The following MRC2 variants were observed in gnomAD, a reference collection of about 807,000 sequenced individuals.
MRC2 encodes the protein C-type mannose receptor 2.
In MRC2, 84 loss-of-function variants were observed where a neutral mutation model predicts 206.2. That is an observed-to-expected ratio of 0.41 (90% CI 0.34 to 0.49). The LOEUF (loss-of-function observed/expected upper bound fraction) is 0.49, where lower values mean the gene tolerates loss of function less well. Among genes scored for constraint, MRC2 ranks in the 20% least tolerant of loss-of-function variants. The pLI is 0.31. For missense variants in MRC2, 1,676 were observed against 2,001.5 expected, an observed-to-expected ratio of 0.84 and a Z score of 3.10; for synonymous variants, 798 against 800.0, an observed-to-expected ratio of 1.00 and a Z score of 0.04.
At chr17:62,632,024 A>T (rs990560488) in intron 1 of MRC2, among the ~76,000 whole-genome samples, 1 of 151,812 alleles carries the variant, frequency 6.6e-6, no homozygotes, top group African/African-American at 2.4e-5. Context: ...CCTACGTGAG[A>T]TGGGAGGGGG....
chr17:62,627,778 C>T lies in MRC2; in HGVS notation c.-25C>T, dbSNP rs764091131. On this transcript the variant is annotated 5_prime_UTR_variant, in exon 1 of 30. Transcript: ENST00000303375. ...TGCGCCTGTGCGCCCTCGGTCCCCG[C>T]GTCCACTGAGCGCCGCGCTCGGGGA... The T allele has an allele frequency of 2.9e-6, 4 of 1,397,528 alleles. No individual in the cohort carries two copies. The highest frequency in any genetic ancestry group is 3.7e-6 in the Non-Finnish European group (4 of 1,083,532). 86.6% of individuals were successfully genotyped at this position (1,397,528 alleles called of 1,614,324 possible). A position where few individuals can be genotyped will look rare whatever the true frequency, so the allele number is the denominator to read the frequency against.
chr17:62,675,695 T>G lies in MRC2; in HGVS notation c.1570-95T>G, dbSNP rs2088882617. On this transcript the variant is annotated intron_variant, in intron 9 of 29. Coordinates refer to ENST00000303375, the MANE Select transcript of MRC2 (RefSeq NM_006039.5). This position sits in a 1 kb window ranked among gnomAD's most constrained non-coding sequence, Gnocchi z 4.1. ...CCTCCGTCCTGAGCACGTTCAGTGA[T>G]GTCCCTGATGGCATCTCCCACCACA... 3.1e-6 allele frequency: 3 copies of G among 953,436 alleles called. No homozygotes were observed. In the Admixed American group the frequency reaches 5.2e-5, roughly 17 times the overall value. 59.1% of individuals were successfully genotyped at this position (953,436 alleles called of 1,614,324 possible).
intron 9 of MRC2, 67 bp downstream of exon 9, chr17:62,674,237 G>T (rs920845180): frequency 8.2e-7 from 1 of 1,215,010 alleles, no homozygotes; most frequent in Admixed American, 2.6e-5. Context: ...GGGAGGGAGA[G>T]GTGGATGAAC....
chr17:62,682,842 A>T (rs1432675321), intron 20 of MRC2, among the ~76,000 whole-genome samples: 3 of 151,880 alleles, frequency 2.0e-5, no homozygotes, highest in Non-Finnish European at 4.4e-5. Context: ...GGGTTTCACC[A>T]TGTTGGCCAG....
chr17:62,633,328 C>G (rs1346158562), intron 1 of MRC2, among the ~76,000 whole-genome samples: 1 of 151,540 alleles, frequency 6.6e-6, no homozygotes, highest in Admixed American at 6.6e-5. Context: ...CGGTGAAACC[C>G]CATCTCTACT....
At position 62,680,527 on chromosome 17, in the gene MRC2, G is replaced by A. The variant is rs2088951103; in HGVS notation, c.2473+74G>A. 1 of 1,579,688 alleles carries A rather than the reference G, an allele frequency of 6.3e-7. No homozygotes were observed. Among genetic ancestry groups the A allele is most frequent in the African/African-American group, 1.3e-5 (1 of 74,268 alleles). On this transcript the variant is annotated intron_variant, in intron 16 of 29. Transcript: ENST00000303375. This position sits in a 1 kb window ranked among gnomAD's most constrained non-coding sequence, Gnocchi z 4.8. ...TCAACTCTGGGGTAAGTCCCGAGAGGCCTGAATGAAATGGAGGGGATGAGG... is the reference window on the plus strand; with the variant it reads ...TCAACTCTGGGGTAAGTCCCGAGAGACCTGAATGAAATGGAGGGGATGAGG...
rs1205186412 is a variant in MRC2, at chr17:62,643,336, AAAAAAAAAAAAG to A, written c.118+15422_118+15433del. Among the ~76,000 whole-genome samples the A allele has an allele frequency of 6.1e-3, 817 of 133,828 alleles. 8 individuals are homozygous for A. Among genetic ancestry groups the A allele is most frequent in the African/African-American group, 0.02 (787 of 39,174 alleles). The allele number at this position is 133,828 out of a possible 152,430, so 87.8% of individuals were successfully genotyped here. ...AAGAGTGAAACTCCGTCAAAAAAAA[AAAAAAAAAAAAG>A]AAAAAGAAAAGAAAAAAGAAAATAC... On this transcript the variant is annotated intron_variant, in intron 1 of 29. Coordinates refer to ENST00000303375, the MANE Select transcript of MRC2 (RefSeq NM_006039.5).
intron 12 of MRC2, 132 bp downstream of exon 12, chr17:62,677,618 G>A (rs1214718471): frequency 2.6e-6 from 2 of 774,658 alleles, no homozygotes; most frequent in Non-Finnish European, 4.1e-6. Flanking sequence ...TTTCTGGTGA[G>A]ACTTGTCCAT....
intron 1 of MRC2, among the ~76,000 whole-genome samples, chr17:62,646,023 A>ATTTTTT (rs34679697): frequency 9.4e-6 from 1 of 106,396 alleles, no homozygotes; most frequent in African/African-American, 3.6e-5. Flanking sequence ...GTCCTTTTCT[A>ATTTTTT]TTTTTTTTTT....
chr17:62,672,294 A>G lies in MRC2; in HGVS notation c.1461+142A>G. ...TCAGCAGTCCCCCTCCTCCCCACCAATGCCTTCCCTTCCATGTGAGAGACT... is the reference window on the plus strand; with the variant it reads ...TCAGCAGTCCCCCTCCTCCCCACCAGTGCCTTCCCTTCCATGTGAGAGACT... On this transcript the variant is annotated intron_variant, in intron 8 of 29. Transcript: ENST00000303375. This position sits in a 1 kb window ranked among gnomAD's most constrained non-coding sequence, Gnocchi z 4.5. 1.1e-6 allele frequency: 1 copy of G among 930,636 alleles called. No individual in the cohort carries two copies. 57.6% of individuals were successfully genotyped at this position (930,636 alleles called of 1,614,324 possible). A position where few individuals can be genotyped will look rare whatever the true frequency, so the allele number is the denominator to read the frequency against.
At chr17:62,670,732 G>A (rs1284848494) in intron 6 of MRC2, among the ~76,000 whole-genome samples, 1 of 152,160 alleles carries the variant, frequency 6.6e-6, no homozygotes, top group Non-Finnish European at 1.5e-5. Flanking sequence ...AGCGGGGAAG[G>A]AGTCCCAGCT....
chr17:62,679,877 GTT>G lies in MRC2; in HGVS notation c.2274_2275del (p.Ser758ArgfsTer83). 1.2e-6 allele frequency: 2 copies of G among 1,613,554 alleles called. No individual in the cohort carries two copies. Among genetic ancestry groups the G allele is most frequent in the Non-Finnish European group, 1.7e-6 (2 of 1,179,916 alleles). On this transcript the variant is annotated frameshift_variant, in exon 14 of 30. Transcript: ENST00000303375. LOFTEE classifies it high-confidence loss of function. ...CGTCGGGATCCCAGAGGGGGTCAGA[GTT>G]GGCGCTGGAGCGACGGCGTAGGGGT...
Position 62,664,695 on chromosome 17 carries a change from G to T in MRC2, c.266G>T (p.Gly89Val). The T allele has an allele frequency of 1.9e-6, 3 of 1,614,000 alleles. No individual in the cohort carries two copies. ...WVSRNRLFNL[G>V]TMQCLGTGWP... ...TCCCGAAACCGGCTATTCAACCTGGGTACCATGCAGTGCCTGGGCACAGGC... is the reference window on the plus strand; with the variant it reads ...TCCCGAAACCGGCTATTCAACCTGGTTACCATGCAGTGCCTGGGCACAGGC... The change falls in exon 2 of 30, where the codon GGT becomes GTT. Residue 89 changes from glycine (G) to valine (V), a missense_variant. Gly to Val is a moderately radical substitution (Grantham distance 109, BLOSUM62 -3). This residue lies in a region of MRC2 where 318 missense variants were observed against 346.7 expected (regional missense o/e 0.92). Coordinates refer to ENST00000303375, the MANE Select transcript of MRC2 (RefSeq NM_006039.5). The surrounding 1 kb of genome is among the most constrained non-coding windows in gnomAD (Gnocchi z 4.7).
chr17:62,690,256 C>G lies in MRC2; in HGVS notation c.3843C>G (p.His1281Gln). The G allele has an allele frequency of 6.2e-7, 1 of 1,613,220 alleles. No homozygotes were observed. The highest frequency in any genetic ancestry group is 8.5e-7 in the Non-Finnish European group (1 of 1,179,534). ...IPFREHCYSF[H>Q]MELLLGHKEA... ...TCCGGGAGCACTGCTATTCTTTCCACATGGAGCTGCTGCTGGGCCACAAGG... is the reference window on the plus strand; with the variant it reads ...TCCGGGAGCACTGCTATTCTTTCCAGATGGAGCTGCTGCTGGGCCACAAGG... Residue 1281 changes from histidine to glutamine, a missense_variant, in exon 26 of 30, where the codon CAC becomes CAG. Coordinates refer to ENST00000303375, the MANE Select transcript of MRC2 (RefSeq NM_006039.5).
chr17:62,692,040 T>G lies in MRC2; in HGVS notation c.4193-72T>G. The G allele has an allele frequency of 6.2e-7, 1 of 1,605,080 alleles. No homozygotes were observed. Among genetic ancestry groups the G allele is most frequent in the Non-Finnish European group, 8.5e-7 (1 of 1,172,362 alleles). Reference sequence around the variant, plus strand: ...ACCTCCCGGCCCAGGCCTGTGTGCTTTGTATGTTTACTTAAGTGATTATTA... The same window carrying G: ...ACCTCCCGGCCCAGGCCTGTGTGCTGTGTATGTTTACTTAAGTGATTATTA... On this transcript the variant is annotated intron_variant, in intron 28 of 29. Transcript: ENST00000303375. This position sits in a 1 kb window ranked among gnomAD's most constrained non-coding sequence, Gnocchi z 4.2.
chr17:62,684,607 G>A (rs1397965688), intron 20 of MRC2, among the ~76,000 whole-genome samples: 1 of 152,090 alleles, frequency 6.6e-6, no homozygotes, highest in East Asian at 1.9e-4. Context: ...TTTACCTGGC[G>A]ATTGACAACG....
chr17:62,687,655 T>C (rs2089048180), intron 20 of MRC2, among the ~76,000 whole-genome samples: 1 of 152,168 alleles, frequency 6.6e-6, no homozygotes, highest in Non-Finnish European at 1.5e-5. Context: ...CTGCTGCTAA[T>C]AGATCATTCA....
At chr17:62,665,401 TCC>T (rs11297640) in intron 2 of MRC2, among the ~76,000 whole-genome samples, 3 of 130,618 alleles carry the variant, frequency 2.3e-5, no homozygotes, top group East Asian at 2.2e-4. Flanking sequence ...CAAGACTCTG[TCC>T]CCCCCCCCAC....
In MRC2 at chr17:62,652,955, TC is replaced by T. The variant is rs2088575045; in HGVS notation, c.119-11591del. Among the ~76,000 whole-genome samples, 1 of 151,588 alleles carries T rather than the reference TC, an allele frequency of 6.6e-6. No homozygotes were observed. Among genetic ancestry groups the T allele is most frequent in the Non-Finnish European group, 1.5e-5 (1 of 67,890 alleles). ...AGCAGAAGCAGAGAAGACTCGGAACTCCAAGAGCAGGTGGATCTGGGAGCCC... is the reference window on the plus strand; with the variant it reads ...AGCAGAAGCAGAGAAGACTCGGAACTCAAGAGCAGGTGGATCTGGGAGCCC... On this transcript the variant is annotated intron_variant, in intron 1 of 29. Coordinates refer to ENST00000303375, the MANE Select transcript of MRC2 (RefSeq NM_006039.5). This position sits in a 1 kb window ranked among gnomAD's most constrained non-coding sequence, Gnocchi z 4.6.
Sources: gnomAD v4.1 joint callset for allele counts (sites outside exome capture counted in the v4.1 genomes callset) on GRCh38, gnomAD v4.1.1 for gene constraint, gnomAD v4.1.1 regional missense constraint, Gnocchi (gnomAD v3.1) non-coding constraint, MANE v1.5 for transcripts, NCBI Gene and HGNC (gene_info 2026-07-23, HGNC 2026-07-21) for gene names.